The following PCDHGB1 variants were observed in gnomAD, a reference collection of about 807,000 sequenced individuals.
PCDHGB1 encodes the protein protocadherin gamma-B1.
PCDHGB1 carries 34 observed loss-of-function variants against 56.6 expected under a neutral mutation model. The observed-to-expected ratio is 0.60, with a 90% CI of 0.46 to 0.80. The LOEUF (loss-of-function observed/expected upper bound fraction) is 0.80. PCDHGB1 is among the 30% of genes least tolerant of loss of function. PCDHGB1 has a pLI of 0.00. For missense variants in PCDHGB1, 1,278 were observed against 1,204.6 expected, an observed-to-expected ratio of 1.06 and a Z score of -0.90; for synonymous variants, 561 against 505.9, an observed-to-expected ratio of 1.11 and a Z score of -1.46.
At chr5:141,444,183 T>G (rs2098423667) in intron 1 of PCDHGB1, among the ~76,000 whole-genome samples, 1 of 138,396 alleles carries the variant, frequency 7.2e-6, no homozygotes, top group African/African-American at 2.8e-5. Flanking sequence ...TTTTTTTTTT[T>G]TTTTTGAGAT....
chr5:141,384,094 G>C (rs1223052119), intron 1 of PCDHGB1: 4 of 1,596,266 alleles, frequency 2.5e-6, no homozygotes, highest in Non-Finnish European at 3.4e-6. Flanking sequence ...AAAATCAATA[G>C]ATAATTATTA....
At chr5:141,389,173 T>C (rs1339910343) in intron 1 of PCDHGB1, 15 of 1,613,844 alleles carry the variant, frequency 9.3e-6, no homozygotes, top group Non-Finnish European at 1.2e-5. Context: ...AAGCCTCCCC[T>C]CTCCTCCAGT....
intron 1 of PCDHGB1, chr5:141,478,786 C>T: frequency 6.8e-7 from 1 of 1,480,998 alleles, no homozygotes; most frequent in Non-Finnish European, 9.0e-7. Context: ...ACCTAATTCA[C>T]ATCCTCAGCA....
At position 141,356,330 on chromosome 5, in the gene PCDHGB1, G is replaced by A. The variant is rs1191042860; in HGVS notation, c.2409+3661G>A. On this transcript the variant is annotated intron_variant, in intron 1 of 3. Coordinates refer to ENST00000523390, the MANE Select transcript of PCDHGB1 (RefSeq NM_018922.3). ...TTCAACGTGCATGACAGTGACTCAG[G>A]AGGAAATGGCCTAGTCACATGTTCT... 5 of 1,554,374 alleles carry A rather than the reference G, an allele frequency of 3.2e-6. No individual in the cohort carries two copies. In the South Asian group the frequency reaches 3.5e-5, roughly 11 times the overall value.
chr5:141,417,001 ATAAT>A (rs2096073629), intron 1 of PCDHGB1: 2 of 150,812 alleles, frequency 1.3e-5, no homozygotes, highest in Non-Finnish European at 1.5e-5. Flanking sequence ...TTCATCTCAA[ATAAT>A]TCTATTATTT....
At position 141,409,535 on chromosome 5, in the gene PCDHGB1, A is replaced by G. The variant is rs745624722; in HGVS notation, c.2409+56866A>G. 5 of 1,613,894 alleles carry G rather than the reference A, an allele frequency of 3.1e-6. No homozygotes were observed. The African/African-American group carries it at 4.0e-5, about 13-fold the overall frequency. ...AAGCATCACCTTGTATGTCGCTGAC[A>G]TCAACGACAACGCCCCAGTTTTCGA... On this transcript the variant is annotated intron_variant, in intron 1 of 3. Coordinates refer to ENST00000523390, the MANE Select transcript of PCDHGB1 (RefSeq NM_018922.3).
chr5:141,486,901 T>A lies in PCDHGB1; in HGVS notation c.2410-7906T>A. The A allele has an allele frequency of 6.2e-7, 1 of 1,614,238 alleles. No homozygotes were observed. Among genetic ancestry groups the A allele is most frequent in the Non-Finnish European group, 8.5e-7 (1 of 1,180,042 alleles). ...CTCGGGCCCGGCCTGGTTCCTTATG[T>A]CCCCAAGCACTGCCTCCATCAGTTG... On this transcript the variant is annotated intron_variant, in intron 1 of 3. Transcript: ENST00000523390. This position sits in a 1 kb window ranked among gnomAD's most constrained non-coding sequence, Gnocchi z 5.0.
intron 1 of PCDHGB1, chr5:141,427,831 G>T: frequency 7.1e-6 from 11 of 1,539,366 alleles, no homozygotes; most frequent in Non-Finnish European, 9.8e-6. Context: ...GTCGCGCAGC[G>T]TGCCTTCGAC....
chr5:141,499,322 T>C (rs1186220818), intron 2 of PCDHGB1, among the ~76,000 whole-genome samples: 1 of 152,218 alleles, frequency 6.6e-6, no homozygotes, highest in Non-Finnish European at 1.5e-5. Context: ...ACAGTATCCC[T>C]GCTCTCTCTC....
At position 141,399,354 on chromosome 5, in the gene PCDHGB1, G is replaced by A. The variant is rs559321354; in HGVS notation, c.2409+46685G>A. The A allele has an allele frequency of 3.7e-6, 6 of 1,614,008 alleles. No homozygotes were observed. The Admixed American group carries it at 1.0e-4, about 27-fold the overall frequency. On this transcript the variant is annotated intron_variant, in intron 1 of 3. Coordinates refer to ENST00000523390, the MANE Select transcript of PCDHGB1 (RefSeq NM_018922.3). ...TAACAGATGGAACCCTAGACCGAGA[G>A]CAAACCCCGGAGTACAATGTCACCA...
chr5:141,397,986 C>G, intron 1 of PCDHGB1: 2 of 1,316,082 alleles, frequency 1.5e-6, no homozygotes, highest in Non-Finnish European at 2.1e-6. Flanking sequence ...GCCTTTACAC[C>G]GCTTCCTCCT....
At chr5:141,418,882 C>T (rs945382775) in intron 1 of PCDHGB1, 8 of 1,613,960 alleles carry the variant, frequency 5.0e-6, no homozygotes, top group Admixed American at 1.7e-5. Flanking sequence ...TAGACGAAAA[C>T]GACAACAGCC....
intron 1 of PCDHGB1, chr5:141,378,580 C>T (rs999014628): frequency 2.6e-5 from 4 of 152,056 alleles, no homozygotes; most frequent in Non-Finnish European, 5.9e-5. Flanking sequence ...AAAACATGCT[C>T]GGTAGTGTCT....
At position 141,431,954 on chromosome 5, in the gene PCDHGB1, G is replaced by A. The variant is rs912037044; in HGVS notation, c.2410-62853G>A. 6.2e-7 allele frequency: 1 copy of A among 1,613,992 alleles called. No individual in the cohort carries two copies. Among genetic ancestry groups the A allele is most frequent in the African/African-American group, 1.3e-5 (1 of 74,896 alleles). ...GCCCTTTAAATTAGAAAAATCTTAC[G>A]GAAATTACTATAGTTTAGTCACAGA... is the stretch of plus-strand genomic sequence containing the variant. On this transcript the variant is annotated intron_variant, in intron 1 of 3. Coordinates refer to ENST00000523390, the MANE Select transcript of PCDHGB1 (RefSeq NM_018922.3). This position sits in a 1 kb window ranked among gnomAD's most constrained non-coding sequence, Gnocchi z 4.8.
Position 141,512,836 on chromosome 5 carries a change from T to G in PCDHGB1, c.*1663T>G, listed in dbSNP as rs1024777792. On this transcript the variant is annotated 3_prime_UTR_variant, in exon 4 of 4. Transcript: ENST00000523390. ...GGCGACCCCCTCCCCCGTACTGACTTCTCCTATAAGCGCTTCTCTTCGCAT... is the reference window on the plus strand; with the variant it reads ...GGCGACCCCCTCCCCCGTACTGACTGCTCCTATAAGCGCTTCTCTTCGCAT... 2 of 152,222 alleles carry G rather than the reference T, an allele frequency of 1.3e-5. No homozygotes were observed. Among genetic ancestry groups the G allele is most frequent in the African/African-American group, 4.8e-5 (2 of 41,412 alleles). The allele number at this position is 152,222 out of a possible 1,614,324, so 9.4% of individuals were successfully genotyped here. A position where few individuals can be genotyped will look rare whatever the true frequency, so the allele number is the denominator to read the frequency against.
intron 1 of PCDHGB1, among the ~76,000 whole-genome samples, chr5:141,401,503 C>T (rs755118621): frequency 6.6e-6 from 1 of 151,946 alleles, no homozygotes; most frequent in Non-Finnish European, 1.5e-5. Context: ...AATCCTTTTC[C>T]ACCTCTATAT....
intron 1 of PCDHGB1, chr5:141,404,860 T>C (rs3749769): frequency 0.09 from 144,859 of 1,613,622 alleles, 7,500 homozygotes; most frequent in African/African-American, 0.18. Context: ...TAGATAGAGA[T>C]GCGCTCAAAC....
rs895234762 is a variant in PCDHGB1 at position 141,476,911 on chromosome 5, A to G, written c.2410-17896A>G. 4 of 1,613,972 alleles carry G rather than the reference A, an allele frequency of 2.5e-6. No individual in the cohort carries two copies. The African/African-American group carries it at 4.0e-5, about 16-fold the overall frequency. On this transcript the variant is annotated intron_variant, in intron 1 of 3. Transcript: ENST00000523390. This position sits in a 1 kb window ranked among gnomAD's most constrained non-coding sequence, Gnocchi z 7.6. ...CACCCTCCGGCACGCGCGTGGTACA[A>G]GTCCTTGCAACGGATCTGGATGAAG...
chr5:141,495,545 A>G (rs1174346915), intron 2 of PCDHGB1, among the ~76,000 whole-genome samples: 3 of 151,824 alleles, frequency 2.0e-5, no homozygotes, highest in Non-Finnish European at 4.4e-5. Flanking sequence ...CTCAGTCTCT[A>G]TCTCGCTTTG....
Sources: gnomAD v4.1 joint callset for allele counts (sites outside exome capture counted in the v4.1 genomes callset) on GRCh38, gnomAD v4.1.1 for gene constraint, Gnocchi (gnomAD v3.1) non-coding constraint, MANE v1.5 for transcripts, NCBI Gene and HGNC (gene_info 2026-07-23, HGNC 2026-07-21) for gene names.